The following CLVS1 variants were observed in gnomAD, a reference collection of about 807,000 sequenced individuals.
CLVS1 encodes clavesin 1, also known as clavesin-1.
Under a neutral mutation model 33.1 loss-of-function variants are expected in CLVS1, and 10 were observed. That is an observed-to-expected ratio of 0.30 (90% CI 0.19 to 0.51). The LOEUF (loss-of-function observed/expected upper bound fraction) is 0.51, where lower values mean the gene tolerates loss of function less well. Ranked by LOEUF, CLVS1 falls within the 20% of genes least tolerant of loss-of-function variation. The probability of loss-of-function intolerance (pLI) is 0.97; values close to 1 mark genes in which losing one functional copy is unlikely to be tolerated. For synonymous variants in CLVS1, 163 were observed against 166.1 expected (o/e 0.98, Z 0.14); for missense variants, 343 against 433.4 (o/e 0.79, Z 1.85).
intron 5 of CLVS1, among the ~76,000 whole-genome samples, chr8:61,483,073 G>C (rs1007497741): frequency 6.6e-6 from 1 of 151,990 alleles, no homozygotes; most frequent in Non-Finnish European, 1.5e-5. Context: ...CTAGCAGAAG[G>C]CAAGAAATAA....
chr8:61,134,710 C>T (rs771045619), intron 2 of CLVS1, among the ~76,000 whole-genome samples: 1 of 152,190 alleles, frequency 6.6e-6, no homozygotes, highest in Non-Finnish European at 1.5e-5. Flanking sequence ...CTTCTGCCTC[C>T]TCTTCCACAT....
intron 3 of CLVS1, among the ~76,000 whole-genome samples, chr8:61,435,625 T>TAAAAAAAA (rs35113828): frequency 7.4e-6 from 1 of 135,040 alleles, no homozygotes. Context: ...ATTGTGATAG[T>TAAAAAAAA]AAAAAAAAAA....
intron 3 of CLVS1, among the ~76,000 whole-genome samples, chr8:61,384,604 C>T (rs1027125477): frequency 3.3e-5 from 5 of 152,044 alleles, no homozygotes; most frequent in East Asian, 1.9e-4. Context: ...CAGACAGGAA[C>T]GGGCAGGTGT....
chr8:61,363,377 T>C (rs1813062125), intron 2 of CLVS1, among the ~76,000 whole-genome samples: 1 of 152,242 alleles, frequency 6.6e-6, no homozygotes, highest in Non-Finnish European at 1.5e-5. Context: ...GAAGGGAATG[T>C]ACGCTGATGT....
At chr8:61,410,927 C>G (rs2129604043) in intron 3 of CLVS1, among the ~76,000 whole-genome samples, 1 of 152,308 alleles carries the variant, frequency 6.6e-6, no homozygotes, top group South Asian at 2.1e-4. Flanking sequence ...CAGGTGTGAG[C>G]CACCACATCC....
chr8:61,129,578 G>A (rs939079385), intron 1 of CLVS1, among the ~76,000 whole-genome samples: 1 of 152,138 alleles, frequency 6.6e-6, no homozygotes, highest in African/African-American at 2.4e-5. Context: ...TCTAGAGGCT[G>A]GGAAGTCCAA....
At chr8:61,208,001 G>T (rs2931329) in intron 2 of CLVS1, among the ~76,000 whole-genome samples, 31,760 of 152,134 alleles carry the variant, frequency 0.21, 3,469 homozygotes, top group Admixed American at 0.27. Context: ...TAAAAGCGAG[G>T]AGCAAATGGT....
chr8:60,970,182 A>G, the CLVS1 span, among the ~76,000 whole-genome samples: 1 of 152,236 alleles, frequency 6.6e-6, no homozygotes, highest in Non-Finnish European at 1.5e-5. Context: ...TTGGTTTTCC[A>G]TGCACTTTTC....
intron 3 of CLVS1, among the ~76,000 whole-genome samples, chr8:61,407,682 A>G (rs1815043435): frequency 6.6e-6 from 1 of 152,238 alleles, no homozygotes; most frequent in Non-Finnish European, 1.5e-5. Flanking sequence ...GTAATTAAAT[A>G]AGCCGTTTAA....
At chr8:61,447,068 G>A (rs1382124733) in intron 3 of CLVS1, among the ~76,000 whole-genome samples, 1 of 151,916 alleles carries the variant, frequency 6.6e-6, no homozygotes, top group Non-Finnish European at 1.5e-5. Context: ...TTCTGTTTTG[G>A]GGTGAAGTAT....
intron 5 of CLVS1, among the ~76,000 whole-genome samples, chr8:61,475,387 G>A (rs1817884734): frequency 6.6e-6 from 1 of 152,232 alleles, no homozygotes; most frequent in African/African-American, 2.4e-5. Flanking sequence ...TTCCACAATG[G>A]TTGAACTAGT....
intron 2 of CLVS1, among the ~76,000 whole-genome samples, chr8:61,303,703 A>G (rs1254271071): frequency 6.6e-6 from 1 of 152,206 alleles, no homozygotes; most frequent in Non-Finnish European, 1.5e-5. Context: ...CTGGTTATAT[A>G]ACTTTCGACA....
intron 2 of CLVS1, among the ~76,000 whole-genome samples, chr8:61,138,184 G>C (rs17763714): frequency 0.22 from 33,933 of 152,146 alleles, 4,042 homozygotes; most frequent in Admixed American, 0.33. Flanking sequence ...CCTTCAGGAA[G>C]GTTTGAGTCT....
chr8:61,440,235 T>G (rs1218139718), intron 3 of CLVS1, among the ~76,000 whole-genome samples: 1 of 152,192 alleles, frequency 6.6e-6, no homozygotes, highest in Non-Finnish European at 1.5e-5. Context: ...ATATAGATAA[T>G]ATAATAATAG....
At position 61,257,709 on chromosome 8, in the gene CLVS1, C is replaced by T. The variant is rs1315203710; in HGVS notation, c.-151-41968C>T. The stretch of plus-strand genomic sequence containing the variant: ...GAGGAAGAAACTGGCAAAAGGAACC[C>T]AGGACCTAATTTAAAAAAATAAGTA... On this transcript the variant is annotated intron_variant, in intron 2 of 2. Transcript: ENST00000522621. Among the ~76,000 whole-genome samples, 5 of 152,122 alleles carry T rather than the reference C, an allele frequency of 3.3e-5. No individual in the cohort carries two copies. In the East Asian group the frequency reaches 9.7e-4, roughly 29 times the overall value.
chr8:61,338,892 C>T lies in CLVS1; in HGVS notation c.456-37713C>T, dbSNP rs527407598. Among the ~76,000 whole-genome samples, 8 of 152,258 alleles carry T rather than the reference C, an allele frequency of 5.3e-5. No individual in the cohort carries two copies. The East Asian group carries it at 7.7e-4, about 15-fold the overall frequency. On this transcript the variant is annotated intron_variant, in intron 2 of 5. Coordinates refer to ENST00000325897, the MANE Select transcript of CLVS1 (RefSeq NM_173519.3). ...CAGGGGAGCTCAGGCCCAGTGGCAA[C>T]GCATGGACTAATTTACAGCCCCTCC...
chr8:61,027,604 T>A, the CLVS1 span, among the ~76,000 whole-genome samples: 1 of 152,144 alleles, frequency 6.6e-6, no homozygotes, highest in Admixed American at 6.5e-5. Flanking sequence ...AAGGTCAAGT[T>A]CAAGAAGTGT....
chr8:61,033,074 G>A, the CLVS1 span, among the ~76,000 whole-genome samples: 386 of 116,272 alleles, frequency 3.3e-3, 9 homozygotes, highest in African/African-American at 0.012. Flanking sequence ...AAAGAAAGAA[G>A]GAAGGAAGGA....
chr8:61,000,888 T>C, the CLVS1 span, among the ~76,000 whole-genome samples: 1 of 151,852 alleles, frequency 6.6e-6, no homozygotes, highest in Admixed American at 6.6e-5. Context: ...CATCAGGGAG[T>C]CCACTTCTGA....
Sources: gnomAD v4.1 joint callset for allele counts (sites outside exome capture counted in the v4.1 genomes callset) on GRCh38, gnomAD v4.1.1 for gene constraint, MANE v1.5 for transcripts, NCBI Gene and HGNC (gene_info 2026-07-23, HGNC 2026-07-21) for gene names.